Variants in ABAT observed in about 807,000 individuals in gnomAD.
The protein encoded by ABAT is 4-aminobutyrate aminotransferase, mitochondrial.
ABAT carries 45 observed loss-of-function variants against 64.6 expected under a neutral mutation model. That is an observed-to-expected ratio of 0.70 (90% CI 0.55 to 0.89). The LOEUF (loss-of-function observed/expected upper bound fraction) is 0.89. Ranked by LOEUF, ABAT falls within the 40% of genes least tolerant of loss-of-function variation. The pLI, the probability that ABAT is intolerant of heterozygous loss-of-function variation, is 0.00. For synonymous variants in ABAT, 297 were observed against 250.5 expected (o/e 1.19, Z -1.75); for missense variants, 633 against 658.4 (o/e 0.96, Z 0.42).
intron 1 of ABAT, among the ~76,000 whole-genome samples, chr16:8,698,503 C>T (rs113486306): frequency 0.049 from 7,401 of 152,042 alleles, 585 homozygotes; most frequent in African/African-American, 0.17. Flanking sequence ...CCAGCTAATT[C>T]TTGTATGTTT....
chr16:8,782,871 C>T lies in ABAT; in HGVS notation c.*1441C>T, dbSNP rs570753533. On this transcript the variant is annotated 3_prime_UTR_variant, in exon 16 of 16. Coordinates refer to ENST00000268251, the MANE Select transcript of ABAT (RefSeq NM_020686.6). ...TTGACTATTTTGGAAATAGGCATAT[C>T]AAGGTTCCTGATTCAGCACTTTGCT... is the stretch of plus-strand genomic sequence containing the variant. The T allele has an allele frequency of 1.1e-4, 16 of 152,260 alleles. No individual in the cohort carries two copies. The highest frequency in any genetic ancestry group is 3.6e-4 in the African/African-American group (15 of 41,550). The allele number at this position is 152,260 out of a possible 1,614,324, so 9.4% of individuals were successfully genotyped here.
chr16:8,700,022 T>C (rs1358614941), intron 1 of ABAT, among the ~76,000 whole-genome samples: 2 of 152,228 alleles, frequency 1.3e-5, no homozygotes, highest in Non-Finnish European at 2.9e-5. Flanking sequence ...AGTTATACGA[T>C]GTTGCCCAGG....
chr16:8,684,766 T>C (rs1465883455), intron 1 of ABAT, among the ~76,000 whole-genome samples: 3 of 148,088 alleles, frequency 2.0e-5, no homozygotes, highest in African/African-American at 7.4e-5. Flanking sequence ...ATGAATCTCA[T>C]ACAGATACAA....
At chr16:8,730,658 G>C (rs2058691205) in intron 1 of ABAT, among the ~76,000 whole-genome samples, 1 of 152,144 alleles carries the variant, frequency 6.6e-6, no homozygotes, top group South Asian at 2.1e-4. Flanking sequence ...CCAGGTCTAG[G>C]ATGGAATTTC....
At chr16:8,705,876 C>A (rs1037194698) in intron 1 of ABAT, among the ~76,000 whole-genome samples, 1 of 152,136 alleles carries the variant, frequency 6.6e-6, no homozygotes, top group African/African-American at 2.4e-5. Context: ...AGCCATTAGC[C>A]CACATTTCTT....
chr16:8,776,940 C>T lies in ABAT; in HGVS notation c.1269+450C>T, dbSNP rs181185331. 1.4e-4 allele frequency among the ~76,000 whole-genome samples: 22 copies of T among 151,858 alleles called. No individual in the cohort carries two copies. The highest frequency in any genetic ancestry group is 1.3e-3 in the Admixed American group (20 of 15,228). On this transcript the variant is annotated intron_variant, in intron 14 of 15. Coordinates refer to ENST00000268251, the MANE Select transcript of ABAT (RefSeq NM_020686.6). This position sits in a 1 kb window ranked among gnomAD's most constrained non-coding sequence, Gnocchi z 4.4. Reference sequence around the variant, plus strand: ...TTTGAGACCAAGTCTTGCTTTGTACCCAGGCTGGAGTGCAGTGGCGCAATC... The same window carrying T: ...TTTGAGACCAAGTCTTGCTTTGTACTCAGGCTGGAGTGCAGTGGCGCAATC...
At chr16:8,743,758 AT>A in intron 2 of ABAT, among the ~76,000 whole-genome samples, 1 of 150,150 alleles carries the variant, frequency 6.7e-6, no homozygotes. Flanking sequence ...TGAAGATGAA[AT>A]TAGATTATTT....
At position 8,764,058 on chromosome 16, in the gene ABAT, C is replaced by T. The variant is rs368243612; in HGVS notation, c.367-11C>T. The T allele has an allele frequency of 2.7e-5, 44 of 1,613,460 alleles. No individual in the cohort carries two copies. The highest frequency in any genetic ancestry group is 8.9e-5 in the East Asian group (4 of 44,856). On this transcript the variant is annotated splice_polypyrimidine_tract_variant and intron_variant, in intron 6 of 15. Transcript: ENST00000268251. The surrounding 1 kb of genome is among the most constrained non-coding windows in gnomAD (Gnocchi z 4.2). ...CCCAGAAGTCACCATTTGTCTCTTG[C>T]CCTTTTGCAGAGCATGTTTGTCAAC...
At chr16:8,778,223 C>G (rs904251054) in intron 14 of ABAT, among the ~76,000 whole-genome samples, 1 of 152,208 alleles carries the variant, frequency 6.6e-6, no homozygotes, top group African/African-American at 2.4e-5. Flanking sequence ...AAAATCACCA[C>G]AAACTGTGTG....
chr16:8,748,846 G>A (rs1406585066), intron 4 of ABAT, among the ~76,000 whole-genome samples: 1 of 151,778 alleles, frequency 6.6e-6, no homozygotes, highest in African/African-American at 2.4e-5. Flanking sequence ...CTTTCTTATG[G>A]TTGCTGTGTG....
intron 1 of ABAT, among the ~76,000 whole-genome samples, chr16:8,723,828 T>TATATATATATATATATATATATATA (rs1491219171): frequency 1.6e-4 from 3 of 19,322 alleles, no homozygotes; most frequent in African/African-American, 6.6e-4. Flanking sequence ...TATATATATA[T>TATATATATATATATATATATATATA]TTTTTTTTTT....
chr16:8,688,164 T>C (rs1034921493), intron 1 of ABAT, among the ~76,000 whole-genome samples: 43 of 152,162 alleles, frequency 2.8e-4, no homozygotes, highest in African/African-American at 9.9e-4. Flanking sequence ...GTGCTGGGAT[T>C]ATAGGCATGA....
At chr16:8,695,827 A>G (rs1372202185) in intron 1 of ABAT, among the ~76,000 whole-genome samples, 1 of 152,222 alleles carries the variant, frequency 6.6e-6, no homozygotes, top group African/African-American at 2.4e-5. Flanking sequence ...ACTCCAGTAC[A>G]CCAGCTCAAT....
At chr16:8,691,937 A>T (rs866344241) in intron 1 of ABAT, among the ~76,000 whole-genome samples, 28 of 152,244 alleles carry the variant, frequency 1.8e-4, no homozygotes, top group Non-Finnish European at 2.9e-5. Context: ...AAAAGAGCAC[A>T]ACTTCTATAC....
chr16:8,683,564 G>C (rs1730942), intron 1 of ABAT: 1 of 142,452 alleles, frequency 7.0e-6, no homozygotes, highest in South Asian at 2.2e-4. Flanking sequence ...AAAAAAAAAA[G>C]AGAGAGAGAG....
intron 2 of ABAT, 72 bp from the exon 3 acceptor site, chr16:8,745,929 G>T: frequency 7.0e-7 from 1 of 1,423,180 alleles, no homozygotes; most frequent in East Asian, 2.3e-5. Flanking sequence ...GGGACATTGG[G>T]CATCTGTCAG....
chr16:8,746,033 G>C lies in ABAT; in HGVS notation c.103G>C (p.Val35Leu). The change falls in exon 3 of 16, where the codon GTC becomes CTC. Residue 35 changes from valine to leucine, a missense_variant. Coordinates refer to ENST00000268251, the MANE Select transcript of ABAT (RefSeq NM_020686.6). The part of the protein sequence containing the change: ...SRHISQAAAK[V>L]DVEFDYDGPL... ...ACACATTAGTCAAGCTGCAGCCAAA[G>C]TCGACGTTGAATTTGATTATGATGG... is the stretch of plus-strand genomic sequence containing the variant. 3 of 1,614,072 alleles carry C rather than the reference G, an allele frequency of 1.9e-6. No homozygotes were observed. The highest frequency in any genetic ancestry group is 2.5e-6 in the Non-Finnish European group (3 of 1,179,992).
At chr16:8,696,675 T>C (rs566634200) in intron 1 of ABAT, among the ~76,000 whole-genome samples, 1 of 152,190 alleles carries the variant, frequency 6.6e-6, no homozygotes, top group East Asian at 1.9e-4. Context: ...GTCCCTGAGC[T>C]CTGGCCAGCC....
chr16:8,746,663 G>C (rs1029939489), intron 3 of ABAT, among the ~76,000 whole-genome samples: 3 of 151,668 alleles, frequency 2.0e-5, no homozygotes, highest in African/African-American at 7.3e-5. Flanking sequence ...TTACAGGCGA[G>C]ATGGTGCCTC....
Sources: gnomAD v4.1 joint callset for allele counts (sites outside exome capture counted in the v4.1 genomes callset) on GRCh38, gnomAD v4.1.1 for gene constraint, Gnocchi (gnomAD v3.1) non-coding constraint, MANE v1.5 for transcripts, NCBI Gene and HGNC (gene_info 2026-07-23, HGNC 2026-07-21) for gene names.